PCDH19: variants seen among roughly 807,000 people sequenced by gnomAD.
The protein encoded by PCDH19 is protocadherin 19, also known as protocadherin-19.
A neutral mutation model predicts 46.2 loss-of-function variants in PCDH19; 6 were observed. The ratio of observed to expected loss-of-function variants is 0.13; its 90% CI spans 0.07 to 0.26. The LOEUF (loss-of-function observed/expected upper bound fraction) is 0.26. Among genes scored for constraint, PCDH19 ranks in the 10% least tolerant of loss-of-function variants. The pLI, the probability that PCDH19 is intolerant of heterozygous loss-of-function variation, is 1.00. For synonymous variants in PCDH19, 481 were observed against 415.7 expected, an observed-to-expected ratio of 1.16 and a Z score of -1.91; for missense variants, 740 against 972.3, an observed-to-expected ratio of 0.76 and a Z score of 3.18.
At chrX:100,406,371 A>C in intron 1 of PCDH19, 80 bp downstream of exon 1, 1 of 825,989 alleles carries the variant, frequency 1.2e-6, no homozygotes, top group Non-Finnish European at 1.8e-6. Context: ...GTAGGAAACA[A>C]AAGCACCAGG....
chrX:100,358,547 G>A (rs991365047), intron 3 of PCDH19, among the ~76,000 whole-genome samples: 5 of 112,040 alleles, frequency 4.5e-5, no homozygotes, highest in Non-Finnish European at 9.4e-5. Context: ...GAGCAACCCA[G>A]TTGTGAATTT....
chrX:100,307,324 A>C, intron 5 of PCDH19, among the ~76,000 whole-genome samples: 1 of 112,076 alleles, frequency 8.9e-6, no homozygotes, highest in Non-Finnish European at 1.9e-5. Flanking sequence ...ATTCAGACAA[A>C]GCATTTGACA....
At chrX:100,399,984 T>C (rs1433533819) in intron 3 of PCDH19, among the ~76,000 whole-genome samples, 2 of 62,935 alleles carry the variant, frequency 3.2e-5, no homozygotes, top group South Asian at 4.8e-4. Flanking sequence ...GATGTCGTCA[T>C]ATGTTTTCTG....
At position 100,373,475 on chromosome X, in the gene PCDH19, C is replaced by T. The variant is rs191653523; in HGVS notation, c.2617-22771G>A. ...CCTCTCCCTTTCTCTCTTCTTTGCA[C>T]TAGAATAAGAAAAACAACTTAATAT... On this transcript the variant is annotated intron_variant, in intron 3 of 5. Coordinates refer to ENST00000373034, the MANE Select transcript of PCDH19 (RefSeq NM_001184880.2). Among the ~76,000 whole-genome samples, 400 of 112,839 alleles carry T rather than the reference C, an allele frequency of 3.5e-3. 5 individuals carry two copies. The highest frequency in any genetic ancestry group is 0.021 in the South Asian group (59 of 2,763).
At chrX:100,304,262 C>T (rs1344641281) in intron 5 of PCDH19, among the ~76,000 whole-genome samples, 3 of 111,402 alleles carry the variant, frequency 2.7e-5, no homozygotes, top group Admixed American at 9.5e-5. Flanking sequence ...GCAGACACTC[C>T]CCAGTACCAG....
At chrX:100,367,417 G>A (rs1325553406) in intron 3 of PCDH19, among the ~76,000 whole-genome samples, 2 of 112,100 alleles carry the variant, frequency 1.8e-5, no homozygotes, top group African/African-American at 6.5e-5. Flanking sequence ...CTGAGACTAG[G>A]AAATTTATAA....
intron 5 of PCDH19, among the ~76,000 whole-genome samples, chrX:100,309,006 T>C (rs1602574966): frequency 9.0e-6 from 1 of 111,648 alleles, no homozygotes; most frequent in East Asian, 2.8e-4. Flanking sequence ...GATCCAGCAA[T>C]CCCACTACTA....
rs757446076 is a variant in PCDH19, at chrX:100,369,647, A to G, written c.2617-18943T>C. Reference sequence around the variant, plus strand: ...CAACACATTTGCCTACTGCAGATCAATGTTAAGGTTGGCTTCATACAACTT... The same window carrying G: ...CAACACATTTGCCTACTGCAGATCAGTGTTAAGGTTGGCTTCATACAACTT... On this transcript the variant is annotated intron_variant, in intron 3 of 5. Coordinates refer to ENST00000373034, the MANE Select transcript of PCDH19 (RefSeq NM_001184880.2). Among the ~76,000 whole-genome samples the G allele has an allele frequency of 2.8e-4, 32 of 112,425 alleles. No homozygotes were observed. The South Asian group carries it at 7.0e-3, about 25-fold the overall frequency.
At chrX:100,380,074 T>C (rs1171414421) in intron 3 of PCDH19, among the ~76,000 whole-genome samples, 2 of 112,654 alleles carry the variant, frequency 1.8e-5, no homozygotes, top group African/African-American at 6.5e-5. Context: ...TCAGAATTCA[T>C]GGTAGACTCT....
chrX:100,362,710 T>C (rs1481600837), intron 3 of PCDH19, among the ~76,000 whole-genome samples: 2 of 105,092 alleles, frequency 1.9e-5, no homozygotes, highest in African/African-American at 7.0e-5. Flanking sequence ...GGCAGGAGAA[T>C]GGCGTGAACC....
intron 3 of PCDH19, among the ~76,000 whole-genome samples, chrX:100,380,358 TC>T (rs1451988503): frequency 9.0e-6 from 1 of 111,624 alleles, no homozygotes; most frequent in African/African-American, 3.3e-5. Context: ...AGGTTGAGTT[TC>T]CCCATTTTAC....
chrX:100,374,678 G>A (rs1367890259), intron 3 of PCDH19, among the ~76,000 whole-genome samples: 1 of 112,047 alleles, frequency 8.9e-6, no homozygotes, highest in African/African-American at 3.2e-5. Flanking sequence ...AGTGGCTCAC[G>A]CCTGTAATCC....
intron 5 of PCDH19, among the ~76,000 whole-genome samples, chrX:100,330,893 C>T (rs186191736): frequency 8.9e-6 from 1 of 112,037 alleles, no homozygotes; most frequent in African/African-American, 3.2e-5. Context: ...TCTAAACTGT[C>T]ATGAAGGATA....
At chrX:100,399,831 A>G (rs1928127938) in intron 3 of PCDH19, among the ~76,000 whole-genome samples, 1 of 112,198 alleles carries the variant, frequency 8.9e-6, no homozygotes, top group Non-Finnish European at 1.9e-5. Context: ...TTAACCAAGG[A>G]AAAGCATCTG....
intron 5 of PCDH19, among the ~76,000 whole-genome samples, chrX:100,298,058 G>T (rs1189410940): frequency 9.1e-6 from 1 of 109,943 alleles, no homozygotes; most frequent in Non-Finnish European, 1.9e-5. Context: ...TTTTGCAGGG[G>T]GAAGATGTCT....
intron 3 of PCDH19, among the ~76,000 whole-genome samples, chrX:100,400,942 G>C (rs1036579211): frequency 1.8e-5 from 2 of 111,367 alleles, no homozygotes; most frequent in African/African-American, 6.5e-5. Flanking sequence ...AGGCAGTATA[G>C]AGTCCTTCAG....
chrX:100,326,106 G>A (rs1418508086), intron 5 of PCDH19, among the ~76,000 whole-genome samples: 2 of 112,769 alleles, frequency 1.8e-5, no homozygotes, highest in Non-Finnish European at 3.7e-5. Context: ...TATCAACTGT[G>A]TGTCTGAGAG....
At chrX:100,337,024 C>A (rs1569295895) in intron 5 of PCDH19, among the ~76,000 whole-genome samples, 2 of 111,227 alleles carry the variant, frequency 1.8e-5, no homozygotes, top group Admixed American at 9.5e-5. Context: ...TCAGAGATAA[C>A]CCGGATAGGA....
chrX:100,343,517 C>T (rs900142316), intron 4 of PCDH19, among the ~76,000 whole-genome samples: 6 of 111,887 alleles, frequency 5.4e-5, no homozygotes, highest in Non-Finnish European at 1.1e-4. Context: ...CCATACAATG[C>T]ACTATGCATG....
Sources: gnomAD v4.1 joint callset for allele counts (sites outside exome capture counted in the v4.1 genomes callset) on GRCh38, gnomAD v4.1.1 for gene constraint, MANE v1.5 for transcripts, NCBI Gene and HGNC (gene_info 2026-07-23, HGNC 2026-07-21) for gene names.